The following CPE variants were observed in gnomAD, a reference collection of about 807,000 sequenced individuals.
CPE encodes carbocypeptidase E.
A neutral mutation model predicts 53.5 loss-of-function variants in CPE; 17 were observed. The observed-to-expected ratio is 0.32, with a 90% CI of 0.22 to 0.48. CPE has a LOEUF of 0.48. CPE is among the 20% of genes least tolerant of loss of function. The pLI is 0.99. For missense variants in CPE, 524 were observed against 614.7 expected (o/e 0.85, Z 1.56); for synonymous variants, 226 against 228.8 (o/e 0.99, Z 0.11).
At chr4:165,431,239 C>G (rs1265700564) in intron 1 of CPE, among the ~76,000 whole-genome samples, 1 of 152,250 alleles carries the variant, frequency 6.6e-6, no homozygotes, top group Non-Finnish European at 1.5e-5. Flanking sequence ...CCGTTTTCCA[C>G]TGTCCACACG....
chr4:165,489,899 A>G (rs942054819), intron 6 of CPE, among the ~76,000 whole-genome samples: 3 of 152,238 alleles, frequency 2.0e-5, no homozygotes, highest in Admixed American at 6.5e-5. Flanking sequence ...CCACAGATCC[A>G]TGTGATCTAC....
chr4:165,495,730 A>C (rs1409899239), intron 8 of CPE, 53 bp downstream of exon 8: 2 of 1,250,788 alleles, frequency 1.6e-6, no homozygotes, highest in East Asian at 2.3e-5. Context: ...AGCATTTATC[A>C]TTGTCAGGCA....
chr4:165,380,725 A>G (rs1016122497), intron 1 of CPE, among the ~76,000 whole-genome samples: 1 of 152,218 alleles, frequency 6.6e-6, no homozygotes. Context: ...AATATATAGT[A>G]GGTGGGTTGA....
intron 1 of CPE, among the ~76,000 whole-genome samples, chr4:165,449,952 A>G (rs1455835195): frequency 8.5e-5 from 13 of 152,294 alleles, no homozygotes; most frequent in Non-Finnish European, 2.9e-5. Context: ...AGAATCTTAA[A>G]TAGCTTTAAA....
intron 1 of CPE, among the ~76,000 whole-genome samples, chr4:165,442,930 C>T (rs1307821088): frequency 6.6e-6 from 1 of 152,144 alleles, no homozygotes; most frequent in Non-Finnish European, 1.5e-5. Context: ...GAATTCAGAA[C>T]CCATGATCTA....
intron 3 of CPE, among the ~76,000 whole-genome samples, chr4:165,481,827 A>G (rs984441505): frequency 1.3e-5 from 2 of 152,194 alleles, no homozygotes; most frequent in Non-Finnish European, 2.9e-5. Flanking sequence ...GAACCACCAC[A>G]GAGGACAAAT....
intron 1 of CPE, chr4:165,404,275 C>G: frequency 1.3e-6 from 1 of 769,242 alleles, no homozygotes; most frequent in South Asian, 1.4e-5. Flanking sequence ...CAGGTGTGGC[C>G]AAGATCCCCT....
Position 165,495,247 on chromosome 4 carries a change from G to A in CPE, c.1214-312G>A, listed in dbSNP as rs1365923037. On this transcript the variant is annotated intron_variant, in intron 7 of 8. Transcript: ENST00000402744. ...GATGGCTGTATGTTCTGACCCTGCT[G>A]CTTGGGGAATTCATCTGTCTTTTTA... 5.9e-5 allele frequency among the ~76,000 whole-genome samples: 9 copies of A among 152,152 alleles called. No homozygotes were observed. In the East Asian group the frequency reaches 1.5e-3, roughly 26 times the overall value.
At chr4:165,404,176 C>T (rs1730916834) in intron 1 of CPE, 2 of 760,914 alleles carry the variant, frequency 2.6e-6, no homozygotes, top group Non-Finnish European at 4.9e-6. Context: ...CCACTATCTT[C>T]TGGGCTTCAT....
Position 165,482,149 on chromosome 4 carries a change from G to A in CPE, c.673-93G>A, listed in dbSNP as rs1732425001. On this transcript the variant is annotated intron_variant, in intron 3 of 8. Coordinates refer to ENST00000402744, the MANE Select transcript of CPE (RefSeq NM_001873.4). ...ATAGTTGAAATATGACCAGCTTTCAGTTTTTTCCTTTACCTTTCCTATGTC... is the reference window on the plus strand; with the variant it reads ...ATAGTTGAAATATGACCAGCTTTCAATTTTTTCCTTTACCTTTCCTATGTC... 4.2e-6 allele frequency: 3 copies of A among 711,478 alleles called. No individual in the cohort carries two copies. In the Admixed American group the frequency reaches 9.5e-5, roughly 23 times the overall value. 44.1% of individuals were successfully genotyped at this position (711,478 alleles called of 1,614,324 possible). A position where few individuals can be genotyped will look rare whatever the true frequency, so the allele number is the denominator to read the frequency against.
chr4:165,461,192 G>GAAAGAAAAAGAA (rs1318343517), intron 1 of CPE, among the ~76,000 whole-genome samples: 1 of 97,372 alleles, frequency 1.0e-5, no homozygotes, highest in Non-Finnish European at 2.2e-5. Context: ...AAAAAAGAAA[G>GAAAGAAAAAGAA]AAAGAAAAGA....
chr4:165,448,813 G>T (rs188988230), intron 1 of CPE, among the ~76,000 whole-genome samples: 266 of 152,268 alleles, frequency 1.7e-3, no homozygotes, highest in African/African-American at 5.9e-3. Context: ...GGGAAGGCCA[G>T]CATGGAAGAG....
rs1177083684 is a variant in CPE at position 165,498,522 on chromosome 4, C to T, written c.*912C>T. 6.6e-6 allele frequency among the ~76,000 whole-genome samples: 1 copy of T among 152,102 alleles called. No homozygotes were observed. On this transcript the variant is annotated 3_prime_UTR_variant, in exon 9 of 9. Coordinates refer to ENST00000402744, the MANE Select transcript of CPE (RefSeq NM_001873.4). ...AAAAGGTTCTGATTTTGGGCACAAC[C>T]TTTATATAAATAACACAAAAATTAA...
intron 1 of CPE, among the ~76,000 whole-genome samples, chr4:165,394,086 A>G (rs1730726777): frequency 6.6e-6 from 1 of 152,234 alleles, no homozygotes; most frequent in East Asian, 1.9e-4. Context: ...AGAGAAGAGA[A>G]AGACTTAAGG....
At chr4:165,456,271 G>T (rs1441472622) in intron 1 of CPE, among the ~76,000 whole-genome samples, 1 of 152,038 alleles carries the variant, frequency 6.6e-6, no homozygotes, top group Non-Finnish European at 1.5e-5. Flanking sequence ...GGCAAAGGGT[G>T]ATATACTCTC....
At chr4:165,425,279 GT>G (rs1282813496) in intron 1 of CPE, among the ~76,000 whole-genome samples, 2 of 137,694 alleles carry the variant, frequency 1.5e-5, no homozygotes, top group African/African-American at 2.7e-5. Context: ...ATATTTGTTG[GT>G]TTTTTGTATC....
At chr4:165,442,647 T>G (rs1305417209) in intron 1 of CPE, among the ~76,000 whole-genome samples, 5 of 152,198 alleles carry the variant, frequency 3.3e-5, no homozygotes, top group Admixed American at 3.3e-4. Flanking sequence ...TCAGTTGCAC[T>G]AGCCACATTT....
At chr4:165,438,638 A>G (rs1731553194) in intron 1 of CPE, among the ~76,000 whole-genome samples, 1 of 152,186 alleles carries the variant, frequency 6.6e-6, no homozygotes, top group African/African-American at 2.4e-5. Flanking sequence ...TTCAAACACG[A>G]TGAGTGTTAC....
At chr4:165,429,674 C>A (rs966848038) in intron 1 of CPE, among the ~76,000 whole-genome samples, 4 of 149,964 alleles carry the variant, frequency 2.7e-5, no homozygotes, top group Non-Finnish European at 5.9e-5. Flanking sequence ...TGCACTCCAG[C>A]TTGGGTGACA....
Sources: allele counts gnomAD v4.1 joint callset (sites outside exome capture counted in the v4.1 genomes callset), GRCh38; gene constraint gnomAD v4.1.1; transcripts MANE v1.5; gene names NCBI Gene and HGNC (gene_info 2026-07-23, HGNC 2026-07-21).